Variants in STX17 observed in about 807,000 individuals in gnomAD.
STX17 encodes the protein syntaxin-17.
Under a neutral mutation model 35.9 loss-of-function variants are expected in STX17, and 29 were observed. The observed-to-expected ratio is 0.81, with a 90% CI of 0.60 to 1.10. The LOEUF is 1.10. Ranked by LOEUF, STX17 falls within the 50% of genes least tolerant of loss-of-function variation. The pLI, the probability that STX17 is intolerant of heterozygous loss-of-function variation, is 0.00. For synonymous variants in STX17, 92 were observed against 118.3 expected (o/e 0.78, Z 1.44); for missense variants, 312 against 352.3 (o/e 0.89, Z 0.92).
intron 1 of STX17, among the ~76,000 whole-genome samples, chr9:99,907,980 C>T (rs1051123624): frequency 7.9e-5 from 12 of 152,166 alleles, no homozygotes; most frequent in African/African-American, 2.4e-4. Context: ...TCTTTATACT[C>T]TTTCTGATCT....
At chr9:99,930,324 G>GCC (rs1371647187) in intron 3 of STX17, among the ~76,000 whole-genome samples, 1 of 149,400 alleles carries the variant, frequency 6.7e-6, no homozygotes, top group Non-Finnish European at 1.5e-5. Flanking sequence ...CTGGAGTGCA[G>GCC]TGGCTCAATC....
At chr9:99,916,117 T>C (rs1828764481) in intron 2 of STX17, 1 of 454,244 alleles carries the variant, frequency 2.2e-6, no homozygotes, top group African/African-American at 2.0e-5. Flanking sequence ...CAGCTTCCCT[T>C]TGAGGAAAGC....
At chr9:99,910,931 C>T (rs571978133) in intron 1 of STX17, among the ~76,000 whole-genome samples, 51 of 152,136 alleles carry the variant, frequency 3.4e-4, no homozygotes, top group African/African-American at 1.1e-3. Flanking sequence ...AGGCTGGCTT[C>T]TAATTTCTGG....
chr9:99,949,551 GT>G (rs35655517), intron 3 of STX17, among the ~76,000 whole-genome samples: 4 of 150,736 alleles, frequency 2.7e-5, no homozygotes, highest in South Asian at 4.2e-4. Flanking sequence ...TCCTAAACAG[GT>G]TTTTTTTTGT....
chr9:99,913,114 T>G (rs1020137815), intron 1 of STX17, among the ~76,000 whole-genome samples: 2 of 152,186 alleles, frequency 1.3e-5, no homozygotes, highest in Non-Finnish European at 2.9e-5. Flanking sequence ...TCTCATTTTT[T>G]TAATGATTCT....
At chr9:99,913,150 C>A (rs1265675796) in intron 1 of STX17, among the ~76,000 whole-genome samples, 1 of 151,886 alleles carries the variant, frequency 6.6e-6, no homozygotes, top group East Asian at 1.9e-4. Flanking sequence ...TGCAATTTCC[C>A]TTCCATGTAT....
chr9:99,957,784 G>C (rs1453252988), intron 4 of STX17, among the ~76,000 whole-genome samples: 1 of 151,704 alleles, frequency 6.6e-6, no homozygotes, highest in African/African-American at 2.4e-5. Context: ...CTCCTGAGTA[G>C]CTGGGATTAC....
intron 3 of STX17, among the ~76,000 whole-genome samples, chr9:99,936,512 A>G (rs1829237992): frequency 6.6e-6 from 1 of 152,144 alleles, no homozygotes; most frequent in South Asian, 2.1e-4. Flanking sequence ...CTTTGATTTT[A>G]TAACTAAATG....
intron 2 of STX17, chr9:99,915,927 A>G (rs1828759270): frequency 9.8e-6 from 4 of 409,790 alleles, no homozygotes; most frequent in Admixed American, 2.9e-5. Flanking sequence ...AAATTGATTG[A>G]TGGTGCACTA....
chr9:99,928,998 G>A, intron 3 of STX17, 155 bp downstream of exon 3: 1 of 586,004 alleles, frequency 1.7e-6, no homozygotes, highest in East Asian at 3.0e-5. Flanking sequence ...TGAATCACAT[G>A]CCATACATAT....
At position 99,970,608 on chromosome 9, in the gene STX17, G is replaced by A. The variant is rs1055382793; in HGVS notation, c.*1935G>A. 6.6e-6 allele frequency among the ~76,000 whole-genome samples: 1 copy of A among 152,176 alleles called. No homozygotes were observed. The highest frequency in any genetic ancestry group is 1.9e-4 in the East Asian group (1 of 5,198). On this transcript the variant is annotated 3_prime_UTR_variant, in exon 8 of 8. Transcript: ENST00000259400. ...AGATTCCTAAACCTCAGTTCCAGGG[G>A]TAATTCTGACATCACCCGTCCAGCA...
At chr9:99,912,972 A>G (rs1828692414) in intron 1 of STX17, among the ~76,000 whole-genome samples, 1 of 152,000 alleles carries the variant, frequency 6.6e-6, no homozygotes, top group Non-Finnish European at 1.5e-5. Context: ...TCTGAAAATG[A>G]TTATTTTGCT....
intron 4 of STX17, among the ~76,000 whole-genome samples, chr9:99,956,058 A>G (rs1333838857): frequency 6.6e-6 from 1 of 152,168 alleles, no homozygotes; most frequent in East Asian, 1.9e-4. Flanking sequence ...ATTGATAGTC[A>G]TGACTTGAAT....
intron 3 of STX17, chr9:99,945,624 G>T: frequency 4.0e-6 from 1 of 248,928 alleles, no homozygotes; most frequent in Non-Finnish European, 8.1e-6. Flanking sequence ...ACCTTATTGT[G>T]TGCTATTTCT....
chr9:99,934,982 A>C (rs1278015296), intron 3 of STX17, among the ~76,000 whole-genome samples: 1 of 152,172 alleles, frequency 6.6e-6, no homozygotes, highest in Non-Finnish European at 1.5e-5. Flanking sequence ...ATAAGTACTT[A>C]TAACATTTAG....
chr9:99,926,585 C>T (rs746467887), intron 2 of STX17, among the ~76,000 whole-genome samples: 1 of 151,998 alleles, frequency 6.6e-6, no homozygotes, highest in Non-Finnish European at 1.5e-5. Context: ...GCAAGCTCTG[C>T]CTCCTAGGTT....
At chr9:99,959,642 G>A (rs1462136902) in intron 4 of STX17, among the ~76,000 whole-genome samples, 1 of 151,688 alleles carries the variant, frequency 6.6e-6, no homozygotes, top group East Asian at 1.9e-4. Context: ...TAATTTCTTT[G>A]TAGAGACGAG....
intron 6 of STX17, among the ~76,000 whole-genome samples, chr9:99,964,173 G>C (rs10739794): frequency 0.4 from 61,212 of 151,966 alleles, 13,108 homozygotes; most frequent in East Asian, 0.7. Flanking sequence ...CATAGAGGAT[G>C]CTAGGCCTAC....
At chr9:99,952,378 C>A (rs1284845348) in intron 4 of STX17, among the ~76,000 whole-genome samples, 3 of 152,138 alleles carry the variant, frequency 2.0e-5, no homozygotes, top group Non-Finnish European at 4.4e-5. Context: ...AGTCAGGAAA[C>A]AACAGGTGCT....
Sources: allele counts gnomAD v4.1 joint callset (sites outside exome capture counted in the v4.1 genomes callset), GRCh38; gene constraint gnomAD v4.1.1; transcripts MANE v1.5; gene names NCBI Gene and HGNC (gene_info 2026-07-23, HGNC 2026-07-21).